Variants in PLPPR1 observed in about 807,000 individuals in gnomAD.
PLPPR1 encodes the protein phospholipid phosphatase related 1.
Under a neutral mutation model 33.1 loss-of-function variants are expected in PLPPR1, and 10 were observed. The ratio of observed to expected loss-of-function variants is 0.30; its 90% CI spans 0.19 to 0.51. PLPPR1 has a LOEUF of 0.51. Among genes scored for constraint, PLPPR1 ranks in the 20% least tolerant of loss-of-function variants. PLPPR1 has a pLI of 0.97. For missense variants in PLPPR1, 304 were observed against 408.1 expected, an observed-to-expected ratio of 0.74 and a Z score of 2.20; for synonymous variants, 151 against 151.0, an observed-to-expected ratio of 1.00 and a Z score of 0.00.
At chr9:101,136,686 A>G (rs994855951) in intron 1 of PLPPR1, among the ~76,000 whole-genome samples, 1 of 152,184 alleles carries the variant, frequency 6.6e-6, no homozygotes. Context: ...TTGTGTTATT[A>G]TAAGTCATAC....
chr9:101,266,492 C>T (rs577233789), intron 2 of PLPPR1, among the ~76,000 whole-genome samples: 1 of 152,136 alleles, frequency 6.6e-6, no homozygotes, highest in East Asian at 1.9e-4. Context: ...AGAGCCAAGG[C>T]AAGCCAATTC....
At chr9:101,144,278 G>A (rs1052295380) in intron 1 of PLPPR1, among the ~76,000 whole-genome samples, 5 of 151,998 alleles carry the variant, frequency 3.3e-5, no homozygotes, top group South Asian at 2.1e-4. Context: ...GGTGGGGAGC[G>A]GGGAGGGATA....
At chr9:101,280,681 T>G (rs1361255761) in intron 3 of PLPPR1, among the ~76,000 whole-genome samples, 3 of 152,100 alleles carry the variant, frequency 2.0e-5, no homozygotes, top group African/African-American at 7.2e-5. Context: ...AATTATCATT[T>G]CCATTAATGC....
chr9:101,067,142 G>A (rs1243808213), intron 1 of PLPPR1, among the ~76,000 whole-genome samples: 1 of 151,670 alleles, frequency 6.6e-6, no homozygotes, highest in Non-Finnish European at 1.5e-5. Flanking sequence ...CTGTTGCGAG[G>A]TCATAAATTT....
chr9:101,180,459 G>A (rs12342034), intron 1 of PLPPR1, among the ~76,000 whole-genome samples: 3 of 151,260 alleles, frequency 2.0e-5, no homozygotes, highest in Non-Finnish European at 4.4e-5. Context: ...AGAATAAAAC[G>A]GAATGCATTA....
At chr9:101,267,996 T>TCG (rs1828028979) in intron 2 of PLPPR1, among the ~76,000 whole-genome samples, 1 of 151,898 alleles carries the variant, frequency 6.6e-6, no homozygotes, top group Non-Finnish European at 1.5e-5. Flanking sequence ...CAGCAAACTA[T>TCG]CGCCAGGACG....
intron 3 of PLPPR1, among the ~76,000 whole-genome samples, chr9:101,274,193 C>A (rs1828148305): frequency 3.9e-5 from 6 of 152,122 alleles, no homozygotes; most frequent in Admixed American, 3.9e-4. Context: ...ACTGACAAAC[C>A]CCCCAAATAT....
chr9:101,190,560 A>ATGTT (rs2118727055), intron 2 of PLPPR1, among the ~76,000 whole-genome samples: 1 of 152,148 alleles, frequency 6.6e-6, no homozygotes, highest in South Asian at 2.1e-4. Flanking sequence ...TGACTTGGGG[A>ATGTT]TGTTTTGTTT....
Position 101,159,718 on chromosome 9 carries a change from A to C in PLPPR1, c.-45-25732A>C, listed in dbSNP as rs147649609. Among the ~76,000 whole-genome samples, 737 of 152,334 alleles carry C rather than the reference A, an allele frequency of 4.8e-3. 8 individuals are homozygous for C. The highest frequency in any genetic ancestry group is 8.0e-3 in the Non-Finnish European group (544 of 68,026). ...AAAAGCACAAAGATTCCAGGCATACAAGGATGATAAATCACTTCCACAAAT... is the reference window on the plus strand; with the variant it reads ...AAAAGCACAAAGATTCCAGGCATACCAGGATGATAAATCACTTCCACAAAT... On this transcript the variant is annotated intron_variant, in intron 1 of 7. Coordinates refer to ENST00000374874, the MANE Select transcript of PLPPR1 (RefSeq NM_207299.2).
intron 1 of PLPPR1, among the ~76,000 whole-genome samples, chr9:101,039,081 C>A (rs1830045725): frequency 6.6e-6 from 1 of 152,104 alleles, no homozygotes. Context: ...GTCATGAAAT[C>A]TTTGTTGTAC....
chr9:101,275,880 A>G (rs1423519284), intron 3 of PLPPR1, among the ~76,000 whole-genome samples: 1 of 152,208 alleles, frequency 6.6e-6, no homozygotes, highest in Non-Finnish European at 1.5e-5. Context: ...TACAAGACTC[A>G]TCTAGAATTT....
chr9:101,269,845 G>A (rs1227978356), intron 2 of PLPPR1, 35 bp from the exon 3 acceptor site: 1 of 1,609,898 alleles, frequency 6.2e-7, no homozygotes, highest in African/African-American at 1.3e-5. Context: ...CCGAAGCCCT[G>A]CTAATGTCTC....
chr9:101,192,666 A>AAC (rs886130965), intron 2 of PLPPR1, among the ~76,000 whole-genome samples: 1 of 151,908 alleles, frequency 6.6e-6, no homozygotes, highest in African/African-American at 2.4e-5. Context: ...AAACCAATGA[A>AAC]ACACACACAC....
chr9:101,217,158 T>C (rs1422998656), intron 2 of PLPPR1, among the ~76,000 whole-genome samples: 1 of 152,006 alleles, frequency 6.6e-6, no homozygotes, highest in Admixed American at 6.6e-5. Context: ...CAGAAGAGAA[T>C]AGATTCAACT....
At chr9:101,323,736 G>A (rs1829198124) in intron 7 of PLPPR1, among the ~76,000 whole-genome samples, 1 of 152,140 alleles carries the variant, frequency 6.6e-6, no homozygotes, top group Non-Finnish European at 1.5e-5. Flanking sequence ...CTACTTGGGA[G>A]GCTGAGGCAG....
chr9:101,204,543 T>A (rs1167653862), intron 2 of PLPPR1, among the ~76,000 whole-genome samples: 1 of 152,152 alleles, frequency 6.6e-6, no homozygotes, highest in Non-Finnish European at 1.5e-5. Context: ...CTGCAGCTGC[T>A]GTTTCCGTAT....
chr9:101,063,273 G>C (rs1043190435), intron 1 of PLPPR1, among the ~76,000 whole-genome samples: 1 of 151,898 alleles, frequency 6.6e-6, no homozygotes, highest in African/African-American at 2.4e-5. Context: ...GAAATGATGG[G>C]GGCTGCCCCA....
chr9:101,270,071 A>G lies in PLPPR1; in HGVS notation c.252+3A>G, dbSNP rs1347191338. On this transcript the variant is annotated splice_donor_region_variant and intron_variant, in intron 3 of 7. Coordinates refer to ENST00000374874, the MANE Select transcript of PLPPR1 (RefSeq NM_207299.2). ...TGGCTGCCACCCCAACTGCTATTGTAAGTACAGAAATAGACTTTCCTCTTT... is the reference window on the plus strand; with the variant it reads ...TGGCTGCCACCCCAACTGCTATTGTGAGTACAGAAATAGACTTTCCTCTTT... 4.3e-6 allele frequency: 7 copies of G among 1,614,026 alleles called. No homozygotes were observed. Among genetic ancestry groups the G allele is most frequent in the African/African-American group, 1.3e-5 (1 of 75,056 alleles).
At chr9:101,054,364 A>G (rs1029171811) in intron 1 of PLPPR1, among the ~76,000 whole-genome samples, 2 of 152,192 alleles carry the variant, frequency 1.3e-5, no homozygotes, top group African/African-American at 4.8e-5. Context: ...TCAATTCACC[A>G]GATAATTTTT....
Sources: gnomAD v4.1 joint callset for allele counts (sites outside exome capture counted in the v4.1 genomes callset) on GRCh38, gnomAD v4.1.1 for gene constraint, MANE v1.5 for transcripts, NCBI Gene and HGNC (gene_info 2026-07-23, HGNC 2026-07-21) for gene names.